EYS: variants seen among roughly 807,000 people sequenced by gnomAD.
EYS encodes protein eyes shut homolog.
In EYS, 250 loss-of-function variants were observed where a neutral mutation model predicts 282.1. The ratio of observed to expected loss-of-function variants is 0.89; its 90% CI spans 0.80 to 0.98. The LOEUF is 0.98. Among genes scored for constraint, EYS ranks in the 50% least tolerant of loss-of-function variants. The pLI is 0.00. For missense variants in EYS, 4,016 were observed against 3,709.0 expected, an observed-to-expected ratio of 1.08 and a Z score of -2.15; for synonymous variants, 1,355 against 1,282.9, an observed-to-expected ratio of 1.06 and a Z score of -1.20.
At chr6:63,760,541 G>A (rs1012247594) in intron 41 of EYS, among the ~76,000 whole-genome samples, 2 of 152,042 alleles carry the variant, frequency 1.3e-5, no homozygotes, top group African/African-American at 4.8e-5. Flanking sequence ...CTATGTGGAT[G>A]TCACCCATTT....
intron 30 of EYS, among the ~76,000 whole-genome samples, chr6:64,305,846 C>T (rs1769424319): frequency 2.0e-5 from 3 of 152,020 alleles, no homozygotes; most frequent in Admixed American, 1.3e-4. Flanking sequence ...GGATATGACA[C>T]CAAATGCACA....
chr6:65,583,768 G>C (rs899134534), intron 2 of EYS, among the ~76,000 whole-genome samples: 1 of 151,858 alleles, frequency 6.6e-6, no homozygotes, highest in Non-Finnish European at 1.5e-5. Flanking sequence ...GAAGTTATTT[G>C]TTTTTAAAAT....
At chr6:65,324,010 C>T (rs1368900266) in intron 11 of EYS, among the ~76,000 whole-genome samples, 1 of 152,202 alleles carries the variant, frequency 6.6e-6, no homozygotes, top group African/African-American at 2.4e-5. Context: ...CCATTCTCCA[C>T]ACAGCTTGAC....
chr6:64,819,363 T>G (rs1764833096), intron 21 of EYS, among the ~76,000 whole-genome samples: 1 of 152,094 alleles, frequency 6.6e-6, no homozygotes, highest in Admixed American at 6.6e-5. Flanking sequence ...TTTTAAAAAA[T>G]GTATTAAACT....
intron 28 of EYS, among the ~76,000 whole-genome samples, chr6:64,428,248 A>AT (rs1774470558): frequency 6.6e-6 from 1 of 152,060 alleles, no homozygotes; most frequent in African/African-American, 2.4e-5. Context: ...ACCTTGTTTT[A>AT]TTTTTTAGCA....
intron 1 of EYS, among the ~76,000 whole-genome samples, chr6:65,661,389 A>T (rs779722723): frequency 3.9e-5 from 6 of 151,984 alleles, no homozygotes; most frequent in Non-Finnish European, 7.4e-5. Context: ...GAGGGAACTG[A>T]GGCTTAAAAA....
intron 26 of EYS, among the ~76,000 whole-genome samples, chr6:64,563,230 GA>G (rs1765455720): frequency 6.6e-6 from 1 of 151,788 alleles, no homozygotes; most frequent in South Asian, 2.1e-4. Context: ...ATTTTCTCTG[GA>G]CTTAGAGCTC....
chr6:63,949,875 T>C (rs1168830388), intron 35 of EYS, among the ~76,000 whole-genome samples: 1 of 152,144 alleles, frequency 6.6e-6, no homozygotes, highest in Non-Finnish European at 1.5e-5. Flanking sequence ...CTCATCAGCA[T>C]TAAAAATCTG....
At chr6:64,753,972 C>T (rs1351879239) in intron 22 of EYS, among the ~76,000 whole-genome samples, 1 of 151,892 alleles carries the variant, frequency 6.6e-6, no homozygotes, top group South Asian at 2.1e-4. Context: ...TATACAAATA[C>T]AAGGAAATTA....
intron 35 of EYS, among the ~76,000 whole-genome samples, chr6:63,866,299 T>G (rs1476891864): frequency 6.6e-6 from 1 of 152,188 alleles, no homozygotes; most frequent in Non-Finnish European, 1.5e-5. Flanking sequence ...GATATAACTT[T>G]GCTTCCACTG....
intron 35 of EYS, among the ~76,000 whole-genome samples, chr6:63,931,656 A>G (rs1234660562): frequency 2.0e-5 from 3 of 152,176 alleles, no homozygotes; most frequent in Non-Finnish European, 4.4e-5. Context: ...CACACATAAT[A>G]ACTGTATATA....
chr6:63,873,661 AC>A (rs546705863), intron 35 of EYS, among the ~76,000 whole-genome samples: 74 of 152,128 alleles, frequency 4.9e-4, no homozygotes, highest in African/African-American at 1.4e-3. Flanking sequence ...CCTCTCCAGC[AC>A]CTGTTGTTTC....
intron 39 of EYS, among the ~76,000 whole-genome samples, chr6:63,779,900 C>T (rs1017681948): frequency 6.6e-5 from 10 of 152,092 alleles, no homozygotes; most frequent in African/African-American, 2.4e-4. Context: ...CTCCGCACTC[C>T]CCCGACCCCA....
At chr6:65,299,313 AATAAC>A (rs1768750440) in intron 11 of EYS, among the ~76,000 whole-genome samples, 1 of 152,104 alleles carries the variant, frequency 6.6e-6, no homozygotes, top group African/African-American at 2.4e-5. Flanking sequence ...TTCTACAATA[AATAAC>A]ATATTTTTAA....
intron 12 of EYS, among the ~76,000 whole-genome samples, chr6:65,062,171 T>C (rs947573497): frequency 2.6e-5 from 4 of 151,944 alleles, no homozygotes; most frequent in Non-Finnish European, 5.9e-5. Flanking sequence ...AATGCCTAAT[T>C]AAATATTAGT....
chr6:64,125,916 C>CTT (rs111945672), intron 31 of EYS, among the ~76,000 whole-genome samples: 200 of 140,714 alleles, frequency 1.4e-3, no homozygotes, highest in Admixed American at 5.9e-3. Context: ...CTATTCTCTT[C>CTT]TTTTTTTTTT....
intron 2 of EYS, among the ~76,000 whole-genome samples, chr6:65,577,728 T>A (rs1408937609): frequency 7.2e-6 from 1 of 138,148 alleles, no homozygotes; most frequent in African/African-American, 2.7e-5. Context: ...TCAATAATAT[T>A]AATAATAATA....
In EYS at chr6:65,538,616, T is replaced by C. The variant is rs905235372; in HGVS notation, c.-332-42623A>G. On this transcript the variant is annotated intron_variant, in intron 2 of 42. Coordinates refer to ENST00000503581, the MANE Select transcript of EYS (RefSeq NM_001142800.2). Reference sequence around the variant, plus strand: ...GCAGAGAATGTCATGAATAGACCACTGCTATATTTTAATGTTTGAATGGAT... The same window carrying C: ...GCAGAGAATGTCATGAATAGACCACCGCTATATTTTAATGTTTGAATGGAT... Among the ~76,000 whole-genome samples the C allele has an allele frequency of 7.9e-5, 12 of 152,202 alleles. No homozygotes were observed. The East Asian group carries it at 2.3e-3, about 29-fold the overall frequency.
chr6:64,433,233 C>A (rs1370221834), intron 28 of EYS, among the ~76,000 whole-genome samples: 1 of 151,896 alleles, frequency 6.6e-6, no homozygotes, highest in Non-Finnish European at 1.5e-5. Flanking sequence ...CTCCTATATT[C>A]ATATTCAAGA....
Sources: gnomAD v4.1 joint callset for allele counts (sites outside exome capture counted in the v4.1 genomes callset) on GRCh38, gnomAD v4.1.1 for gene constraint, MANE v1.5 for transcripts, NCBI Gene and HGNC (gene_info 2026-07-23, HGNC 2026-07-21) for gene names.